RILP: variants seen among roughly 807,000 people sequenced by gnomAD.
RILP encodes Rab interacting lysosomal protein.
Under a neutral mutation model 40.0 loss-of-function variants are expected in RILP, and 53 were observed. The observed-to-expected ratio is 1.32, with a 90% CI of 1.06 to 1.66. RILP has a LOEUF of 1.66. Among genes scored for constraint, RILP ranks in the 40% most tolerant of loss-of-function variants. RILP has a pLI of 0.00. For missense variants in RILP, 626 were observed against 551.7 expected, an observed-to-expected ratio of 1.13 and a Z score of -1.35; for synonymous variants, 272 against 250.6, an observed-to-expected ratio of 1.09 and a Z score of -0.80.
chr17:1,648,367 T>A lies in RILP; in HGVS notation c.804A>T (p.Glu268Asp), dbSNP rs1910734492. ...LKAKVFLLKE[E>D]LAYFQRELLT... ...GTCCTCACCGCTGGAAGTAGGCCAG[T>A]TCCTCCTTGAGCAGGAACACTTTGG... The change falls in exon 5 of 8, where the codon GAA (glutamate) becomes GAT (aspartate). Residue 268 changes from glutamate (E) to aspartate (D), a missense_variant. Coordinates refer to ENST00000301336, the MANE Select transcript of RILP (RefSeq NM_031430.3). The surrounding 1 kb of genome is among the most constrained non-coding windows in gnomAD (Gnocchi z 4.9). The A allele has an allele frequency of 6.2e-7, 1 of 1,613,868 alleles. No individual in the cohort carries two copies. The highest frequency in any genetic ancestry group is 8.5e-7 in the Non-Finnish European group (1 of 1,179,938).
chr17:1,648,091 C>G lies in RILP; in HGVS notation c.822-134G>C. ...CTCTTCCCTGAACACGGGAAGCGCT[C>G]TGCCTTGCTGACACCCTCAGACCTT... On this transcript the variant is annotated intron_variant, in intron 5 of 7. Coordinates refer to ENST00000301336, the MANE Select transcript of RILP (RefSeq NM_031430.3). The surrounding 1 kb of genome is among the most constrained non-coding windows in gnomAD (Gnocchi z 4.9). The G allele has an allele frequency of 7.8e-7, 1 of 1,289,138 alleles. No individual in the cohort carries two copies. Among genetic ancestry groups the G allele is most frequent in the South Asian group, 1.4e-5 (1 of 71,864 alleles). 79.9% of individuals were successfully genotyped at this position (1,289,138 alleles called of 1,614,324 possible).
Position 1,649,467 on chromosome 17 carries a change from C to T in RILP, c.267G>A (p.Arg89=), listed in dbSNP as rs757042752. 2.0e-5 allele frequency: 31 copies of T among 1,513,534 alleles called. No individual in the cohort carries two copies. The South Asian group carries it at 2.8e-4, about 14-fold the overall frequency. 93.8% of individuals were successfully genotyped at this position (1,513,534 alleles called of 1,614,324 possible). The change falls in exon 2 of 8, where the codon CGG becomes CGA. Residue 89 remains arginine, a synonymous_variant. Transcript: ENST00000301336. The surrounding 1 kb of genome is among the most constrained non-coding windows in gnomAD (Gnocchi z 4.3). The part of the protein sequence containing the change: ...VSAQPAEQEL[R]RLREENERLR... Reference sequence around the variant, plus strand: ...GGCGCTCGTTCTCCTCCCGCAGCCGCCGCAGCTCCTGCTCCGCCGGCTGCG... The same window carrying T: ...GGCGCTCGTTCTCCTCCCGCAGCCGTCGCAGCTCCTGCTCCGCCGGCTGCG...
Position 1,649,512 on chromosome 17 carries a change from A to C in RILP, c.229-7T>G. On this transcript the variant is annotated splice_polypyrimidine_tract_variant and splice_region_variant and intron_variant, in intron 1 of 7. Transcript: ENST00000301336. The surrounding 1 kb of genome is among the most constrained non-coding windows in gnomAD (Gnocchi z 4.3). ...GCTGCGCCGACACCTGCAGCTGGGG[A>C]GACCCGGGTCTCAGGCTTCGGCCCT... The C allele has an allele frequency of 1.3e-6, 2 of 1,504,730 alleles. No homozygotes were observed. Among genetic ancestry groups the C allele is most frequent in the Non-Finnish European group, 1.8e-6 (2 of 1,134,262 alleles). The allele number at this position is 1,504,730 out of a possible 1,614,324, so 93.2% of individuals were successfully genotyped here.
At position 1,649,494 on chromosome 17, in the gene RILP, C is replaced by G; in HGVS notation, c.240G>C (p.Ser80=). The G allele has an allele frequency of 6.6e-7, 1 of 1,510,890 alleles. No individual in the cohort carries two copies. Among genetic ancestry groups the G allele is most frequent in the Non-Finnish European group, 8.8e-7 (1 of 1,138,148 alleles). 93.6% of individuals were successfully genotyped at this position (1,510,890 alleles called of 1,614,324 possible). The part of the protein sequence containing the change: ...VGPAPDSLQV[S]AQPAEQELRR... Reference sequence around the variant, plus strand: ...GCAGCTCCTGCTCCGCCGGCTGCGCCGACACCTGCAGCTGGGGAGACCCGG... The same window carrying G: ...GCAGCTCCTGCTCCGCCGGCTGCGCGGACACCTGCAGCTGGGGAGACCCGG... Residue 80 remains serine, a synonymous_variant, in exon 2 of 8, where the codon TCG becomes TCC. Coordinates refer to ENST00000301336, the MANE Select transcript of RILP (RefSeq NM_031430.3). This position sits in a 1 kb window ranked among gnomAD's most constrained non-coding sequence, Gnocchi z 4.3.
intron 6 of RILP, among the ~76,000 whole-genome samples, chr17:1,647,527 C>G (rs1910685737): frequency 6.6e-6 from 1 of 152,130 alleles, no homozygotes; most frequent in East Asian, 1.9e-4. Flanking sequence ...CAGACCCAGC[C>G]AAGACAGGAA....
chr17:1,647,815 G>T lies in RILP; in HGVS notation c.944+20C>A. 1 of 1,613,976 alleles carries T rather than the reference G, an allele frequency of 6.2e-7. No homozygotes were observed. On this transcript the variant is annotated intron_variant, in intron 6 of 7. Transcript: ENST00000301336. Reference sequence around the variant, plus strand: ...GAGGGAGGGAGGCCTGGCTCCGTGGGAATGCAGGCAGGGACCTACCTGCTC... The same window carrying T: ...GAGGGAGGGAGGCCTGGCTCCGTGGTAATGCAGGCAGGGACCTACCTGCTC...
chr17:1,646,574 C>G lies in RILP; in HGVS notation c.1074G>C (p.Glu358Asp), dbSNP rs559730233. Reference protein sequence around the residue: ...YRGKAESSEDETSSPAPSKLG... With the variant: ...YRGKAESSEDDTSSPAPSKLG... ...GCTTGCTGGGTGCAGGGCTGCTGGT[C>G]TCATCCTCAGAGGATTCAGCTTTAC... Residue 358 changes from glutamate to aspartate, a missense_variant, in exon 8 of 8, where the codon GAG becomes GAC. Glu to Asp is a conservative substitution (Grantham distance 45, BLOSUM62 2). Transcript: ENST00000301336. This position sits in a 1 kb window ranked among gnomAD's most constrained non-coding sequence, Gnocchi z 4.3. 4.7e-4 allele frequency: 751 copies of G among 1,608,462 alleles called. 8 individuals carry two copies. In the South Asian group the frequency reaches 7.8e-3, roughly 17 times the overall value.
chr17:1,647,644 C>G (rs548386629), intron 6 of RILP, among the ~76,000 whole-genome samples, 191 bp downstream of exon 6: 1 of 152,220 alleles, frequency 6.6e-6, no homozygotes, highest in East Asian at 1.9e-4. Flanking sequence ...GGACAGCGGC[C>G]ATGGGACACA....
Position 1,646,319 on chromosome 17 carries a change from G to T in RILP, c.*123C>A. 2.2e-6 allele frequency: 2 copies of T among 916,012 alleles called. No individual in the cohort carries two copies. The highest frequency in any genetic ancestry group is 3.2e-6 in the Non-Finnish European group (2 of 622,538). 56.7% of individuals were successfully genotyped at this position (916,012 alleles called of 1,614,324 possible). On this transcript the variant is annotated 3_prime_UTR_variant, in exon 8 of 8. Coordinates refer to ENST00000301336, the MANE Select transcript of RILP (RefSeq NM_031430.3). The surrounding 1 kb of genome is among the most constrained non-coding windows in gnomAD (Gnocchi z 4.3). ...GTACAGAGACGTAGAGAGGGAGGCG[G>T]GCTGAGACCCCGTCCTGCCCTGATG...
rs1567671653 is a variant in RILP, at chr17:1,649,458, C to T, written c.276G>A (p.Arg92=). ...QPAEQELRRL[R]EENERLRREL... is the part of the protein sequence containing the mutation. ...CCCTGCGGAGGCGCTCGTTCTCCTC[C>T]CGCAGCCGCCGCAGCTCCTGCTCCG... The change falls in exon 2 of 8, where the codon CGG becomes CGA. Residue 92 remains arginine, a synonymous_variant. Transcript: ENST00000301336. The surrounding 1 kb of genome is among the most constrained non-coding windows in gnomAD (Gnocchi z 4.3). 1 of 1,511,066 alleles carries T rather than the reference C, an allele frequency of 6.6e-7. No individual in the cohort carries two copies. The highest frequency in any genetic ancestry group is 8.8e-7 in the Non-Finnish European group (1 of 1,137,464). 93.6% of individuals were successfully genotyped at this position (1,511,066 alleles called of 1,614,324 possible). A position where few individuals can be genotyped will look rare whatever the true frequency, so the allele number is the denominator to read the frequency against.
Position 1,648,047 on chromosome 17 carries a change from C to G in RILP, c.822-90G>C. The G allele has an allele frequency of 6.6e-7, 1 of 1,523,480 alleles. No individual in the cohort carries two copies. The highest frequency in any genetic ancestry group is 8.9e-7 in the Non-Finnish European group (1 of 1,118,514). 94.4% of individuals were successfully genotyped at this position (1,523,480 alleles called of 1,614,324 possible). A position where few individuals can be genotyped will look rare whatever the true frequency, so the allele number is the denominator to read the frequency against. ...GAGATGCCAGCCGCAGTCCTCACTC[C>G]TGGTACCTGTGCACGCAGCTCTTCC... On this transcript the variant is annotated intron_variant, in intron 5 of 7. Transcript: ENST00000301336. This position sits in a 1 kb window ranked among gnomAD's most constrained non-coding sequence, Gnocchi z 4.9.
At position 1,649,210 on chromosome 17, in the gene RILP, T is replaced by C. The variant is rs1180693864; in HGVS notation, c.419A>G (p.Glu140Gly). ...HNRDLRQRGQ[E>G]TEALQEQLQR... ...CCGCCCCGCCCTCACCGCCTCGGTC[T>C]CCTGGCCGCGCTGCCGCAGGTCGCG... The change falls in exon 3 of 8, where the codon GAG (glutamate) becomes GGG (glycine). Residue 140 changes from glutamate to glycine, a missense_variant. Physicochemically the swap from Glu to Gly is moderately conservative, Grantham distance 98. Transcript: ENST00000301336. The surrounding 1 kb of genome is among the most constrained non-coding windows in gnomAD (Gnocchi z 4.3). The C allele has an allele frequency of 1.5e-6, 2 of 1,338,972 alleles. No homozygotes were observed. The highest frequency in any genetic ancestry group is 1.3e-5 in the South Asian group (1 of 76,684). 82.9% of individuals were successfully genotyped at this position (1,338,972 alleles called of 1,614,324 possible).
chr17:1,648,557 A>G lies in RILP; in HGVS notation c.676-62T>C. On this transcript the variant is annotated intron_variant, in intron 4 of 7. Coordinates refer to ENST00000301336, the MANE Select transcript of RILP (RefSeq NM_031430.3). The surrounding 1 kb of genome is among the most constrained non-coding windows in gnomAD (Gnocchi z 4.9). ...GCTGGCGTTCCCCCGCCCCAGGGCC[A>G]TCATGGGAATGCTAGAGGAAGTGAC... 2.5e-6 allele frequency: 4 copies of G among 1,585,388 alleles called. No homozygotes were observed. The highest frequency in any genetic ancestry group is 3.4e-6 in the Non-Finnish European group (4 of 1,169,430).
Position 1,648,330 on chromosome 17 carries a change from C to T in RILP, c.821+20G>A. 10 of 1,609,804 alleles carry T rather than the reference C, an allele frequency of 6.2e-6. No individual in the cohort carries two copies. Among genetic ancestry groups the T allele is most frequent in the Non-Finnish European group, 7.6e-6 (9 of 1,178,208 alleles). On this transcript the variant is annotated intron_variant, in intron 5 of 7. Transcript: ENST00000301336. The surrounding 1 kb of genome is among the most constrained non-coding windows in gnomAD (Gnocchi z 4.9). The stretch of plus-strand genomic sequence containing the variant: ...TGAGGTGGGGTGATCGGAGGCCCCC[C>T]GGCTTCCCAGCGTCCTCACCGCTGG...
chr17:1,646,827 G>C lies in RILP; in HGVS notation c.1028+79C>G. 8.5e-7 allele frequency: 1 copy of C among 1,181,836 alleles called. No homozygotes were observed. Among genetic ancestry groups the C allele is most frequent in the Non-Finnish European group, 1.2e-6 (1 of 842,038 alleles). 73.2% of individuals were successfully genotyped at this position (1,181,836 alleles called of 1,614,324 possible). On this transcript the variant is annotated intron_variant, in intron 7 of 7. Coordinates refer to ENST00000301336, the MANE Select transcript of RILP (RefSeq NM_031430.3). The surrounding 1 kb of genome is among the most constrained non-coding windows in gnomAD (Gnocchi z 4.3). Reference sequence around the variant, plus strand: ...AGCAGGGTGACGGGCAGAGAAGCGGGAAAGGGGATCCTGAGAAGGACCAGC... The same window carrying C: ...AGCAGGGTGACGGGCAGAGAAGCGGCAAAGGGGATCCTGAGAAGGACCAGC...
At position 1,648,105 on chromosome 17, in the gene RILP, C is replaced by T; in HGVS notation, c.822-148G>A. 8.1e-7 allele frequency: 1 copy of T among 1,227,268 alleles called. No individual in the cohort carries two copies. The highest frequency in any genetic ancestry group is 1.1e-6 in the Non-Finnish European group (1 of 888,590). The allele number at this position is 1,227,268 out of a possible 1,614,324, so 76.0% of individuals were successfully genotyped here. ...CGGGAAGCGCTCTGCCTTGCTGACA[C>T]CCTCAGACCTTAAATTAGGTGGCCC... is the stretch of plus-strand genomic sequence containing the variant. On this transcript the variant is annotated intron_variant, in intron 5 of 7. Transcript: ENST00000301336. The surrounding 1 kb of genome is among the most constrained non-coding windows in gnomAD (Gnocchi z 4.9).
rs1341267993 is a variant in RILP, at chr17:1,649,580, G to C, written c.225C>G (p.Asp75Glu). 2 of 1,559,398 alleles carry C rather than the reference G, an allele frequency of 1.3e-6. No individual in the cohort carries two copies. The highest frequency in any genetic ancestry group is 2.4e-5 in the East Asian group (1 of 42,376). ...CGAAGGGAGGGCCATGACTCACCGA[G>C]TCCGGGGCGGGCCCCACGGCAGCCT... ...LEQAAVGPAP[D>E]SLQVSAQPAE... The change falls in exon 1 of 8, where the codon GAC becomes GAG. Residue 75 changes from aspartate to glutamate, a missense_variant. Transcript: ENST00000301336. This position sits in a 1 kb window ranked among gnomAD's most constrained non-coding sequence, Gnocchi z 4.3.
At chr17:1,647,685 G>T (rs1422717794) in intron 6 of RILP, 150 bp downstream of exon 6, 2 of 972,210 alleles carry the variant, frequency 2.1e-6, no homozygotes, top group African/African-American at 1.6e-5. Context: ...CCTAGAAGCG[G>T]CCAGGCTAGG....
In RILP at chr17:1,648,063, C is replaced by G. The variant is rs1263057348; in HGVS notation, c.822-106G>C. 3.5e-6 allele frequency: 5 copies of G among 1,446,314 alleles called. No homozygotes were observed. Among genetic ancestry groups the G allele is most frequent in the Non-Finnish European group, 4.7e-6 (5 of 1,060,552 alleles). The allele number at this position is 1,446,314 out of a possible 1,614,324, so 89.6% of individuals were successfully genotyped here. The stretch of plus-strand genomic sequence containing the variant: ...TCCTCACTCCTGGTACCTGTGCACG[C>G]AGCTCTTCCCTGAACACGGGAAGCG... On this transcript the variant is annotated intron_variant, in intron 5 of 7. Coordinates refer to ENST00000301336, the MANE Select transcript of RILP (RefSeq NM_031430.3). The surrounding 1 kb of genome is among the most constrained non-coding windows in gnomAD (Gnocchi z 4.9).
Sources: allele counts gnomAD v4.1 joint callset (sites outside exome capture counted in the v4.1 genomes callset), GRCh38; gene constraint gnomAD v4.1.1; non-coding constraint Gnocchi (gnomAD v3.1); transcripts MANE v1.5; gene names NCBI Gene and HGNC (gene_info 2026-07-23, HGNC 2026-07-21).